The following ARHGAP44 variants were observed in gnomAD, a reference collection of about 807,000 sequenced individuals.
ARHGAP44 encodes Rho GTPase activating protein 44.
A neutral mutation model predicts 106.8 loss-of-function variants in ARHGAP44; 43 were observed. That is an observed-to-expected ratio of 0.40 (90% CI 0.32 to 0.52). The LOEUF (loss-of-function observed/expected upper bound fraction) is 0.52, where lower values mean the gene tolerates loss of function less well. Ranked by LOEUF, ARHGAP44 falls within the 20% of genes least tolerant of loss-of-function variation. ARHGAP44 has a pLI of 0.48. For missense variants in ARHGAP44, 866 were observed against 1,050.5 expected (o/e 0.82, Z 2.43); for synonymous variants, 439 against 410.3 (o/e 1.07, Z -0.85).
intron 3 of ARHGAP44, among the ~76,000 whole-genome samples, chr17:12,899,811 A>G (rs945583270): frequency 3.9e-5 from 6 of 152,114 alleles, no homozygotes; most frequent in East Asian, 1.9e-4. Flanking sequence ...GTAAGTTGCT[A>G]CTTGAGCACA....
At chr17:12,802,953 ATATATATATATATATATTTTTTT>A (rs1298990906) in intron 1 of ARHGAP44, among the ~76,000 whole-genome samples, 1 of 21,524 alleles carries the variant, frequency 4.6e-5, no homozygotes, top group African/African-American at 4.4e-4. Flanking sequence ...ATATATATAT[ATATATATATATATATATTTTTTT>A]TTTTTTTTTT....
chr17:12,789,774 T>G lies in ARHGAP44; in HGVS notation c.-65T>G. The G allele has an allele frequency of 7.1e-7, 1 of 1,411,622 alleles. No homozygotes were observed. 87.4% of individuals were successfully genotyped at this position (1,411,622 alleles called of 1,614,324 possible). A position where few individuals can be genotyped will look rare whatever the true frequency, so the allele number is the denominator to read the frequency against. On this transcript the variant is annotated 5_prime_UTR_variant, in exon 1 of 21. Transcript: ENST00000379672. ...GCTCCGCGCGGGAGCCATGTAACCC[T>G]GCGGCGGGCTCCGGGCTGCTCCGTC...
intron 6 of ARHGAP44, among the ~76,000 whole-genome samples, chr17:12,922,111 A>G (rs1319861408): frequency 2.0e-5 from 3 of 152,244 alleles, no homozygotes; most frequent in Admixed American, 6.5e-5. Flanking sequence ...ATTGGAAAGC[A>G]GTATCCTTTG....
intron 1 of ARHGAP44, among the ~76,000 whole-genome samples, chr17:12,806,485 TG>T (rs1401744321): frequency 6.6e-6 from 1 of 152,188 alleles, no homozygotes. Flanking sequence ...TTAATAATGC[TG>T]GGGACAGCAA....
Position 12,984,679 on chromosome 17 carries a change from G to C in ARHGAP44, c.2088G>C (p.Gln696His). The C allele has an allele frequency of 6.2e-7, 1 of 1,612,792 alleles. No individual in the cohort carries two copies. The highest frequency in any genetic ancestry group is 8.5e-7 in the Non-Finnish European group (1 of 1,179,522). The change falls in exon 20 of 21, where the codon CAG (glutamine) becomes CAC (histidine). Residue 696 changes from glutamine to histidine, a missense_variant. By Grantham distance (24) the Gln-to-His change is conservative. Transcript: ENST00000379672. ...TPSPYGLSYPQGYSLASGQLS... is the reference protein window; with the variant it reads ...TPSPYGLSYPHGYSLASGQLS... Reference sequence around the variant, plus strand: ...CACCCTATGGACTGAGCTACCCTCAGGGGTACTCCTTGGCCTCGGGCCAGC... The same window carrying C: ...CACCCTATGGACTGAGCTACCCTCACGGGTACTCCTTGGCCTCGGGCCAGC...
At chr17:12,864,888 A>G (rs548216315) in intron 1 of ARHGAP44, among the ~76,000 whole-genome samples, 2 of 152,346 alleles carry the variant, frequency 1.3e-5, no homozygotes, top group South Asian at 4.1e-4. Context: ...ATTCTGAAAG[A>G]TGAAGGGGAA....
chr17:12,878,037 C>T (rs1002432890), intron 1 of ARHGAP44, among the ~76,000 whole-genome samples: 1 of 152,160 alleles, frequency 6.6e-6, no homozygotes, highest in Non-Finnish European at 1.5e-5. Context: ...TTCATCCACA[C>T]CTCAGTTATG....
At chr17:12,887,453 C>A (rs1236318609) in intron 1 of ARHGAP44, among the ~76,000 whole-genome samples, 1 of 152,124 alleles carries the variant, frequency 6.6e-6, no homozygotes, top group Non-Finnish European at 1.5e-5. Flanking sequence ...GTTGTCCAGG[C>A]TGGTCTCAAA....
intron 10 of ARHGAP44, among the ~76,000 whole-genome samples, chr17:12,948,423 A>G (rs2038907977): frequency 6.6e-6 from 1 of 152,102 alleles, no homozygotes. Context: ...TAATCCCAGC[A>G]CTTTGGGAGG....
Position 12,989,101 on chromosome 17 carries a change from C to CAAAAA in ARHGAP44, c.2318-911_2318-907dup, listed in dbSNP as rs71144942. Among the ~76,000 whole-genome samples, 15 of 45,150 alleles carry CAAAAA rather than the reference C, an allele frequency of 3.3e-4. 2 individuals carry two copies. The highest frequency in any genetic ancestry group is 1.9e-3 in the East Asian group (3 of 1,554). The allele number at this position is 45,150 out of a possible 152,430, so 29.6% of individuals were successfully genotyped here. On this transcript the variant is annotated intron_variant, in intron 20 of 20. Transcript: ENST00000379672. Reference sequence around the variant, plus strand: ...GACAAGAGCGAAACTCCACCCCCCCCAAAAAAAAAAAAAAAAAAAAAAAAC... The same window carrying CAAAAA: ...GACAAGAGCGAAACTCCACCCCCCCCAAAAAAAAAAAAAAAAAAAAAAAAAAAAAC...
In ARHGAP44 at chr17:12,896,561, A is replaced by G. The variant is rs748908544; in HGVS notation, c.198+50A>G. The G allele has an allele frequency of 3.7e-5, 56 of 1,498,596 alleles. No homozygotes were observed. In the South Asian group the frequency reaches 6.5e-4, roughly 17 times the overall value. The allele number at this position is 1,498,596 out of a possible 1,614,324, so 92.8% of individuals were successfully genotyped here. On this transcript the variant is annotated intron_variant, in intron 3 of 20. Transcript: ENST00000379672. ...AGCTGAAATCTTGCCTACTGAGGAC[A>G]AGGTTCCTACTCCTGTGACACTCCT...
intron 1 of ARHGAP44, among the ~76,000 whole-genome samples, chr17:12,793,912 A>T (rs1227220360): frequency 6.6e-6 from 1 of 152,172 alleles, no homozygotes; most frequent in Non-Finnish European, 1.5e-5. Flanking sequence ...TGAACAAAAG[A>T]TCCATGCGCT....
chr17:12,812,884 C>G (rs921123850), intron 1 of ARHGAP44, among the ~76,000 whole-genome samples: 1 of 152,132 alleles, frequency 6.6e-6, no homozygotes, highest in Non-Finnish European at 1.5e-5. Flanking sequence ...CCTTATTTCC[C>G]TTAACAACTT....
At chr17:12,945,663 C>T (rs970590276) in intron 10 of ARHGAP44, among the ~76,000 whole-genome samples, 3 of 152,146 alleles carry the variant, frequency 2.0e-5, no homozygotes, top group African/African-American at 7.2e-5. Flanking sequence ...GTGTATGTGG[C>T]ATGCTTCCTG....
At chr17:12,815,120 G>T (rs557652050) in intron 1 of ARHGAP44, among the ~76,000 whole-genome samples, 11 of 146,624 alleles carry the variant, frequency 7.5e-5, no homozygotes, top group Non-Finnish European at 1.3e-4. Context: ...GCTGCAGGTT[G>T]TTCTTTTGAT....
intron 8 of ARHGAP44, among the ~76,000 whole-genome samples, chr17:12,941,584 G>T (rs928116838): frequency 6.6e-5 from 10 of 152,128 alleles, no homozygotes; most frequent in Non-Finnish European, 1.2e-4. Context: ...CTAACAAGGG[G>T]CTTGAGAAAA....
chr17:12,973,967 C>CTAAAG (rs1236334172), intron 17 of ARHGAP44, 122 bp from the exon 18 acceptor site: 17 of 1,079,636 alleles, frequency 1.6e-5, no homozygotes, highest in Admixed American at 2.1e-5. Context: ...TTCCCGGGCC[C>CTAAAG]CCGGGGTGCT....
intron 1 of ARHGAP44, among the ~76,000 whole-genome samples, chr17:12,878,751 C>T (rs971644634): frequency 1.3e-5 from 2 of 152,176 alleles, no homozygotes; most frequent in African/African-American, 4.8e-5. Context: ...GCTAAGTGAC[C>T]TCTGTTGCTC....
At chr17:12,907,183 GTA>G (rs2037577038) in intron 3 of ARHGAP44, among the ~76,000 whole-genome samples, 1 of 152,178 alleles carries the variant, frequency 6.6e-6, no homozygotes, top group African/African-American at 2.4e-5. Context: ...TTGTAGCTAC[GTA>G]GACTGGAAGA....
Sources: allele counts gnomAD v4.1 joint callset (sites outside exome capture counted in the v4.1 genomes callset), GRCh38; gene constraint gnomAD v4.1.1; transcripts MANE v1.5; gene names NCBI Gene and HGNC (gene_info 2026-07-23, HGNC 2026-07-21).